HDAC4: variants seen among roughly 807,000 people sequenced by gnomAD.
HDAC4 encodes the protein histone deacetylase 4.
A neutral mutation model predicts 135.1 loss-of-function variants in HDAC4; 16 were observed. The observed-to-expected ratio is 0.12, with a 90% CI of 0.08 to 0.18. The LOEUF (loss-of-function observed/expected upper bound fraction) is 0.18, where lower values mean the gene tolerates loss of function less well. HDAC4 is among the 10% of genes least tolerant of loss of function. The pLI is 1.00. For missense variants in HDAC4, 1,143 were observed against 1,511.8 expected (o/e 0.76, Z 4.05); for synonymous variants, 685 against 653.4 (o/e 1.05, Z -0.74).
intron 3 of HDAC4, among the ~76,000 whole-genome samples, chr2:239,233,996 C>T (rs146877668): frequency 6.6e-6 from 1 of 152,322 alleles, no homozygotes; most frequent in East Asian, 1.9e-4. Flanking sequence ...TACTCCCATA[C>T]CATAAAAATG....
chr2:239,379,954 C>T (rs909697674), intron 1 of HDAC4, among the ~76,000 whole-genome samples: 9 of 152,228 alleles, frequency 5.9e-5, no homozygotes, highest in Admixed American at 1.3e-4. Context: ...CGGGGGGAAG[C>T]GGATGCAGAC....
chr2:239,104,351 C>A (rs781514829), intron 15 of HDAC4, among the ~76,000 whole-genome samples: 3 of 152,176 alleles, frequency 2.0e-5, no homozygotes, highest in African/African-American at 4.8e-5. Flanking sequence ...GCCTCAGCCT[C>A]CTGAGTAGCT....
At chr2:239,392,286 C>T (rs1696278216) in intron 1 of HDAC4, among the ~76,000 whole-genome samples, 1 of 152,244 alleles carries the variant, frequency 6.6e-6, no homozygotes, top group Non-Finnish European at 1.5e-5. Flanking sequence ...ACAGGCACCC[C>T]AGTGACATCT....
chr2:239,075,694 A>G (rs914700493), intron 22 of HDAC4, among the ~76,000 whole-genome samples: 2 of 152,212 alleles, frequency 1.3e-5, no homozygotes, highest in African/African-American at 2.4e-5. Flanking sequence ...CGTGGCCTCA[A>G]TGTGGCTTCT....
At chr2:239,292,017 G>T (rs990448435) in intron 2 of HDAC4, among the ~76,000 whole-genome samples, 1 of 152,086 alleles carries the variant, frequency 6.6e-6, no homozygotes, top group Non-Finnish European at 1.5e-5. Flanking sequence ...CAGGGGCTGC[G>T]CGCACGGCCC....
intron 19 of HDAC4, among the ~76,000 whole-genome samples, chr2:239,084,940 TCACA>T (rs1213455865): frequency 9.9e-6 from 1 of 101,492 alleles, no homozygotes; most frequent in Non-Finnish European, 1.9e-5. Context: ...ACAGAAACAC[TCACA>T]CACACACAAA....
At chr2:239,198,249 G>C (rs754113402) in intron 3 of HDAC4, among the ~76,000 whole-genome samples, 3 of 152,202 alleles carry the variant, frequency 2.0e-5, no homozygotes, top group Non-Finnish European at 4.4e-5. Context: ...TGCCGAGTGT[G>C]AGTGGAGGCA....
chr2:239,297,642 C>T (rs1575641656), intron 2 of HDAC4, among the ~76,000 whole-genome samples: 2 of 152,150 alleles, frequency 1.3e-5, no homozygotes. Flanking sequence ...GGATGCCAGG[C>T]CCCAATGGTA....
intron 2 of HDAC4, among the ~76,000 whole-genome samples, chr2:239,295,306 C>CAAA (rs55990119): frequency 3.4e-4 from 16 of 46,562 alleles, no homozygotes; most frequent in Admixed American, 1.0e-3. Flanking sequence ...GACTCCGTCT[C>CAAA]AAAAAAAAAA....
chr2:239,066,889 G>T (rs758056234), intron 23 of HDAC4, 34 bp from the exon 24 acceptor site: 1 of 1,604,282 alleles, frequency 6.2e-7, no homozygotes, highest in Non-Finnish European at 8.5e-7. Context: ...CAGTGTGAAC[G>T]GGGGAGGACC....
At chr2:239,305,157 T>C (rs903173339) in intron 2 of HDAC4, among the ~76,000 whole-genome samples, 16 of 152,180 alleles carry the variant, frequency 1.1e-4, no homozygotes, top group Admixed American at 8.5e-4. Context: ...ACAAAGCAGC[T>C]TGAGTAACAC....
chr2:239,264,491 T>C (rs1329911615), intron 2 of HDAC4, among the ~76,000 whole-genome samples: 3 of 152,136 alleles, frequency 2.0e-5, no homozygotes, highest in African/African-American at 7.2e-5. Context: ...GAAAAAGAAG[T>C]GTGGCTGCCC....
At chr2:239,153,053 G>C (rs1324471012) in intron 7 of HDAC4, among the ~76,000 whole-genome samples, 1 of 152,198 alleles carries the variant, frequency 6.6e-6, no homozygotes, top group Non-Finnish European at 1.5e-5. Context: ...AGAAACTCAG[G>C]CACCTGGTCC....
chr2:239,397,524 G>C (rs1696646210), intron 1 of HDAC4, among the ~76,000 whole-genome samples: 1 of 152,186 alleles, frequency 6.6e-6, no homozygotes, highest in Admixed American at 6.5e-5. Context: ...GTGAGTAGGA[G>C]GTGTGTCAGC....
At chr2:239,165,743 A>G (rs2043089951) in intron 5 of HDAC4, among the ~76,000 whole-genome samples, 1 of 152,170 alleles carries the variant, frequency 6.6e-6, no homozygotes, top group South Asian at 2.1e-4. Context: ...GTGTGTGTGC[A>G]TTTACCCTGC....
chr2:239,112,249 C>T (rs887331786), intron 13 of HDAC4, among the ~76,000 whole-genome samples: 1 of 152,194 alleles, frequency 6.6e-6, no homozygotes, highest in Admixed American at 6.5e-5. Context: ...CACACACATA[C>T]GGTGAGTGGG....
intron 12 of HDAC4, among the ~76,000 whole-genome samples, chr2:239,121,687 C>T (rs1013550659): frequency 2.0e-5 from 3 of 152,246 alleles, no homozygotes; most frequent in Admixed American, 6.5e-5. Context: ...GGGCCTCCGG[C>T]GAGGGCTCTC....
Position 239,115,151 on chromosome 2 carries a change from G to C in HDAC4, c.1693C>G (p.Gln565Glu). The change falls in exon 13 of 27, where the codon CAG becomes GAG. Residue 565 changes from glutamine (Q) to glutamate (E), a missense_variant. Physicochemically the swap from Gln to Glu is conservative, Grantham distance 29. Coordinates refer to ENST00000543185, the MANE Select transcript of HDAC4 (RefSeq NM_001378414.1). This position sits in a 1 kb window ranked among gnomAD's most constrained non-coding sequence, Gnocchi z 6.3. ...TCCTCATCGCTCTCAATGGGCTCCT[G>C]CTTCACCTGCACGCCGGCCTGTGCG... ...AHAQAGVQVK[Q>E]EPIESDEEEA... 6.2e-7 allele frequency: 1 copy of C among 1,611,514 alleles called. No individual in the cohort carries two copies. The highest frequency in any genetic ancestry group is 8.5e-7 in the Non-Finnish European group (1 of 1,179,952).
At position 239,126,346 on chromosome 2, in the gene HDAC4, G is replaced by A. The variant is rs577490088; in HGVS notation, c.1533+110C>T. On this transcript the variant is annotated intron_variant, in intron 12 of 26. Coordinates refer to ENST00000543185, the MANE Select transcript of HDAC4 (RefSeq NM_001378414.1). ...TGTGCCTCCTCGGTTCCCTCTTTCTGCCTCCTGGCCTCCCTTAAGGTCAGA... is the reference window on the plus strand; with the variant it reads ...TGTGCCTCCTCGGTTCCCTCTTTCTACCTCCTGGCCTCCCTTAAGGTCAGA... 3.0e-5 allele frequency: 47 copies of A among 1,572,358 alleles called. No homozygotes were observed. The African/African-American group carries it at 6.0e-4, about 20-fold the overall frequency.
Sources: gnomAD v4.1 joint callset for allele counts (sites outside exome capture counted in the v4.1 genomes callset) on GRCh38, gnomAD v4.1.1 for gene constraint, Gnocchi (gnomAD v3.1) non-coding constraint, MANE v1.5 for transcripts, NCBI Gene and HGNC (gene_info 2026-07-23, HGNC 2026-07-21) for gene names.